TPCN2: variants seen among roughly 807,000 people sequenced by gnomAD.
TPCN2 encodes two pore segment channel 2, also known as two pore channel protein 2.
In TPCN2, 92 loss-of-function variants were observed where a neutral mutation model predicts 111.4. The ratio of observed to expected loss-of-function variants is 0.83; its 90% CI spans 0.70 to 0.98. The LOEUF (loss-of-function observed/expected upper bound fraction) is 0.98, where lower values mean the gene tolerates loss of function less well. TPCN2 is among the 50% of genes least tolerant of loss of function. The pLI is 0.00. For missense variants in TPCN2, 995 were observed against 980.1 expected (o/e 1.02, Z -0.20); for synonymous variants, 405 against 414.5 (o/e 0.98, Z 0.28).
Position 69,070,442 on chromosome 11 carries a change from C to G in TPCN2, c.842C>G (p.Ala281Gly). The part of the protein sequence containing the change: ...TANNPDVMIP[A>G]YSKNRAYAIF... ...TTTTTTCTTTTAGTGATGATTCCTG[C>G]GTATTCCAAGAACCGGGCCTATGCC... The change falls in exon 9 of 25, where the codon GCG becomes GGG. Residue 281 changes from alanine to glycine, a missense_variant. Physicochemically the swap from Ala to Gly is moderately conservative, Grantham distance 60 (BLOSUM62 0). Coordinates refer to ENST00000294309, the MANE Select transcript of TPCN2 (RefSeq NM_139075.4). 1 of 1,612,058 alleles carries G rather than the reference C, an allele frequency of 6.2e-7. No homozygotes were observed. Among genetic ancestry groups the G allele is most frequent in the Non-Finnish European group, 8.5e-7 (1 of 1,179,104 alleles).
intron 7 of TPCN2, among the ~76,000 whole-genome samples, chr11:69,066,726 C>T (rs544473419): frequency 3.3e-4 from 51 of 152,278 alleles, no homozygotes; most frequent in African/African-American, 1.2e-3. Flanking sequence ...TGCCAAGTCC[C>T]GCTGTGCCAC....
chr11:69,086,893 G>GCTGGGGCCTTGGGGGGTGCTCC (rs1565097138), intron 23 of TPCN2, among the ~76,000 whole-genome samples: 9 of 149,630 alleles, frequency 6.0e-5, no homozygotes, highest in East Asian at 2.0e-4. Context: ...CATCTGGGCT[G>GCTGGGGCCTTGGGGGGTGCTCC]TGGGGATTCT....
chr11:69,086,025 C>T lies in TPCN2; in HGVS notation c.2003+95C>T, dbSNP rs868266541. 2.6e-5 allele frequency: 33 copies of T among 1,293,464 alleles called. No individual in the cohort carries two copies. The Middle Eastern group carries it at 5.4e-4, about 21-fold the overall frequency. 80.1% of individuals were successfully genotyped at this position (1,293,464 alleles called of 1,614,324 possible). A position where few individuals can be genotyped will look rare whatever the true frequency, so the allele number is the denominator to read the frequency against. ...CTGCATCTGCACTGGACGCCCGGAG[C>T]GTGGCTGGGACGGGGACTCGGGCCT... On this transcript the variant is annotated intron_variant, in intron 22 of 24. Transcript: ENST00000294309.
chr11:69,084,541 C>G, intron 19 of TPCN2: 1 of 981,706 alleles, frequency 1.0e-6, no homozygotes, highest in Non-Finnish European at 1.2e-6. Flanking sequence ...TGCCTGGTGG[C>G]CGGGCTTGGG....
intron 24 of TPCN2, 57 bp downstream of exon 24, chr11:69,087,263 T>TG (rs1043862751): frequency 2.1e-5 from 32 of 1,512,756 alleles, no homozygotes; most frequent in Middle Eastern, 1.7e-4. Context: ...AGCCAAGAGC[T>TG]GGGGGGTGGA....
At chr11:69,085,986 C>T (rs368634077) in intron 22 of TPCN2, 56 bp downstream of exon 22, 3 of 1,513,346 alleles carry the variant, frequency 2.0e-6, no homozygotes, top group Non-Finnish European at 2.7e-6. Flanking sequence ...GGGGTTCCCT[C>T]ACCTCCGGGC....
rs773267824 is a variant in TPCN2, at chr11:69,078,903, C to T, written c.1422C>T (p.Cys474=). 7.4e-6 allele frequency: 12 copies of T among 1,614,028 alleles called. No individual in the cohort carries two copies. The highest frequency in any genetic ancestry group is 3.3e-5 in the South Asian group (3 of 91,080). Residue 474 remains cysteine (C), a synonymous_variant, in exon 16 of 25, where the codon TGC becomes TGT. Transcript: ENST00000294309. ...RDDFILGILN[C]VFIVYYLLEM... ...TCTGCCCCTTTCAGATTCTCAACTGCGTCTTCATTGTGTACTACCTGTTGG... is the reference window on the plus strand; with the variant it reads ...TCTGCCCCTTTCAGATTCTCAACTGTGTCTTCATTGTGTACTACCTGTTGG...
At chr11:69,066,066 G>A (rs531481449) in intron 7 of TPCN2, among the ~76,000 whole-genome samples, 12 of 152,112 alleles carry the variant, frequency 7.9e-5, no homozygotes, top group Non-Finnish European at 1.3e-4. Flanking sequence ...GAGTTCTGTC[G>A]GCTCTATGGA....
At chr11:69,075,179 A>C (rs1855701228) in intron 13 of TPCN2, among the ~76,000 whole-genome samples, 1 of 152,086 alleles carries the variant, frequency 6.6e-6, no homozygotes, top group African/African-American at 2.4e-5. Context: ...TTTAGGTTCC[A>C]CAGGTTTTGG....
chr11:69,069,915 T>C (rs1210854522), intron 8 of TPCN2, among the ~76,000 whole-genome samples: 1 of 152,126 alleles, frequency 6.6e-6, no homozygotes, highest in Non-Finnish European at 1.5e-5. Context: ...TTCCCCGTCC[T>C]GGAGGGTGTG....
chr11:69,089,472 C>T lies in TPCN2; in HGVS notation c.*1519C>T, dbSNP rs898308312. 1 of 152,234 alleles carries T rather than the reference C, an allele frequency of 6.6e-6. No individual in the cohort carries two copies. Among genetic ancestry groups the T allele is most frequent in the African/African-American group, 2.4e-5 (1 of 41,456 alleles). The allele number at this position is 152,234 out of a possible 1,614,324, so 9.4% of individuals were successfully genotyped here. A position where few individuals can be genotyped will look rare whatever the true frequency, so the allele number is the denominator to read the frequency against. ...CCGCCTGGACGGTGGCTCCGTCTCCCTGGGCTTAGACGACCTTGGCACTTC... is the reference window on the plus strand; with the variant it reads ...CCGCCTGGACGGTGGCTCCGTCTCCTTGGGCTTAGACGACCTTGGCACTTC... On this transcript the variant is annotated 3_prime_UTR_variant, in exon 25 of 25. Coordinates refer to ENST00000294309, the MANE Select transcript of TPCN2 (RefSeq NM_139075.4).
intron 17 of TPCN2, 71 bp from the exon 18 acceptor site, chr11:69,081,329 G>A (rs575770996): frequency 2.7e-5 from 28 of 1,046,876 alleles, no homozygotes; most frequent in Middle Eastern, 2.7e-4. Context: ...CCAGGAACCC[G>A]CGCGTTTCCT....
rs1246076449 is a variant in TPCN2 at position 69,085,681 on chromosome 11, G to A, written c.1849G>A (p.Ala617Thr). The change falls in exon 21 of 25, where the codon GCC (alanine) becomes ACC (threonine). Residue 617 changes from alanine to threonine, a missense_variant. By Grantham distance (58) the Ala-to-Thr change is moderately conservative. Transcript: ENST00000294309. ...ALPGNSSLAP[A>T]NGSAPCGSFE... is the part of the protein sequence containing the mutation. ...TGTTGTGTTCCCCAGCCTGGCCCCT[G>A]CCAATGGCTCGGCGCCCTGTGGGAG... 1 of 1,613,182 alleles carries A rather than the reference G, an allele frequency of 6.2e-7. No homozygotes were observed. Among genetic ancestry groups the A allele is most frequent in the South Asian group, 1.1e-5 (1 of 91,068 alleles).
intron 5 of TPCN2, 64 bp downstream of exon 5, chr11:69,057,758 A>G (rs1026180417): frequency 1.2e-5 from 18 of 1,494,634 alleles, no homozygotes; most frequent in Non-Finnish European, 1.5e-5. Flanking sequence ...TGCAAGGCCC[A>G]CGGGGGTGCT....
chr11:69,052,868 G>A (rs1329486169), intron 1 of TPCN2, among the ~76,000 whole-genome samples: 1 of 152,212 alleles, frequency 6.6e-6, no homozygotes, highest in Admixed American at 6.5e-5. Flanking sequence ...TGTGAAAGCC[G>A]AGTCTCAACT....
chr11:69,084,930 C>T, intron 19 of TPCN2: 1 of 545,468 alleles, frequency 1.8e-6, no homozygotes, highest in Non-Finnish European at 2.3e-6. Context: ...GGCAGCCTGT[C>T]CCCTAACTGT....
At chr11:69,052,113 G>A (rs1191119936) in intron 1 of TPCN2, among the ~76,000 whole-genome samples, 1 of 152,166 alleles carries the variant, frequency 6.6e-6, no homozygotes. Context: ...ATGGTTCCAG[G>A]GGTGCCCACC....
intron 1 of TPCN2, among the ~76,000 whole-genome samples, chr11:69,051,675 C>G (rs574107119): frequency 6.6e-6 from 1 of 152,308 alleles, no homozygotes; most frequent in East Asian, 1.9e-4. Context: ...CCCTTCAGCC[C>G]CAGTGGGTGA....
rs376427893 is a variant in TPCN2 at position 69,062,939 on chromosome 11, T to C, written c.602T>C (p.Met201Thr). 257 of 1,613,978 alleles carry C rather than the reference T, an allele frequency of 1.6e-4. 2 individuals are homozygous for C. Among genetic ancestry groups the C allele is most frequent in the South Asian group, 1.5e-4 (14 of 91,076 alleles). The part of the protein sequence containing the change: ...RPFFLLQNSS[M>T]MKKTLKCIRW... ...TTCTTCCTGCTGCAGAACTCCTCTA[T>C]GATGAAGAAGACCTTGAAATGCATC... is the stretch of plus-strand genomic sequence containing the variant. Residue 201 changes from methionine to threonine, a missense_variant, in exon 6 of 25, where the codon ATG (methionine) becomes ACG (threonine). Coordinates refer to ENST00000294309, the MANE Select transcript of TPCN2 (RefSeq NM_139075.4).
Sources: allele counts gnomAD v4.1 joint callset (sites outside exome capture counted in the v4.1 genomes callset), GRCh38; gene constraint gnomAD v4.1.1; transcripts MANE v1.5; gene names NCBI Gene and HGNC (gene_info 2026-07-23, HGNC 2026-07-21).